CDK8: variants seen among roughly 807,000 people sequenced by gnomAD.
CDK8 encodes cyclin-dependent kinase 8.
CDK8 carries 29 observed loss-of-function variants against 71.5 expected under a neutral mutation model. That is an observed-to-expected ratio of 0.41 (90% CI 0.30 to 0.55). The LOEUF (loss-of-function observed/expected upper bound fraction) is 0.55. CDK8 is among the 20% of genes least tolerant of loss of function. The probability of loss-of-function intolerance (pLI) is 0.37; values close to 1 mark genes in which losing one functional copy is unlikely to be tolerated. For missense variants in CDK8, 288 were observed against 572.6 expected, an observed-to-expected ratio of 0.50 and a Z score of 5.07; for synonymous variants, 161 against 192.1, an observed-to-expected ratio of 0.84 and a Z score of 1.34.
intron 1 of CDK8, among the ~76,000 whole-genome samples, chr13:26,290,822 AAAAC>A (rs1260628616): frequency 1.3e-5 from 2 of 151,914 alleles, no homozygotes; most frequent in Admixed American, 6.6e-5. Flanking sequence ...AACAAACAAA[AAAAC>A]AAATTCTGGG....
At position 26,364,500 on chromosome 13, in the gene CDK8, C is replaced by A. The variant is rs376687182; in HGVS notation, c.456+10620C>A. On this transcript the variant is annotated intron_variant, in intron 4 of 12. Transcript: ENST00000381527. The stretch of plus-strand genomic sequence containing the variant: ...AGCTTTTTGACATTGGTAATAAAAT[C>A]ATTTTGAATAGCGGTTAGGAGGGAT... 1.1e-4 allele frequency among the ~76,000 whole-genome samples: 17 copies of A among 152,128 alleles called. No homozygotes were observed. In the East Asian group the frequency reaches 3.1e-3, roughly 28 times the overall value.
intron 1 of CDK8, among the ~76,000 whole-genome samples, chr13:26,274,801 G>A (rs1442570777): frequency 6.6e-6 from 1 of 151,924 alleles, no homozygotes; most frequent in Non-Finnish European, 1.5e-5. Context: ...TATTCATGTT[G>A]TAAGAATTTC....
chr13:26,259,979 A>G (rs769852623), intron 1 of CDK8, among the ~76,000 whole-genome samples: 2 of 152,310 alleles, frequency 1.3e-5, no homozygotes, highest in South Asian at 2.1e-4. Flanking sequence ...GAAGTCCCCA[A>G]CTGGTTAAGG....
intron 4 of CDK8, 126 bp downstream of exon 4, chr13:26,354,006 C>A: frequency 1.3e-6 from 1 of 758,156 alleles, no homozygotes; most frequent in Non-Finnish European, 2.2e-6. Context: ...AGAATGCTAC[C>A]TTCTCAAAAC....
At chr13:26,297,940 T>G (rs888398522) in intron 1 of CDK8, among the ~76,000 whole-genome samples, 10 of 152,156 alleles carry the variant, frequency 6.6e-5, no homozygotes, top group African/African-American at 2.4e-4. Context: ...CGCTATATCC[T>G]CACTTGGTGG....
intron 4 of CDK8, among the ~76,000 whole-genome samples, chr13:26,356,764 T>C (rs1237752402): frequency 6.6e-6 from 1 of 152,292 alleles, no homozygotes; most frequent in East Asian, 1.9e-4. Flanking sequence ...TCACATAACT[T>C]TTTTAACATT....
intron 1 of CDK8, among the ~76,000 whole-genome samples, chr13:26,263,854 C>T (rs1365190245): frequency 6.6e-6 from 1 of 151,682 alleles, no homozygotes; most frequent in Non-Finnish European, 1.5e-5. Context: ...TCACGCCATT[C>T]TCCTGCCTCA....
At chr13:26,330,177 C>T (rs1299185258) in intron 1 of CDK8, among the ~76,000 whole-genome samples, 2 of 152,084 alleles carry the variant, frequency 1.3e-5, no homozygotes, top group South Asian at 2.1e-4. Flanking sequence ...CTGTAGTCAT[C>T]CCACTCTGCT....
intron 1 of CDK8, among the ~76,000 whole-genome samples, chr13:26,311,376 A>G (rs907161596): frequency 2.0e-5 from 3 of 152,124 alleles, no homozygotes; most frequent in African/African-American, 4.8e-5. Flanking sequence ...AATATTTATT[A>G]AGTTCTTGTT....
chr13:26,273,477 C>A (rs541660094), intron 1 of CDK8, among the ~76,000 whole-genome samples: 1 of 152,096 alleles, frequency 6.6e-6, no homozygotes, highest in Admixed American at 6.5e-5. Flanking sequence ...GTAGCTGATT[C>A]ACTTTTTATT....
At chr13:26,286,464 A>G (rs1416496790) in intron 1 of CDK8, among the ~76,000 whole-genome samples, 2 of 152,248 alleles carry the variant, frequency 1.3e-5, no homozygotes, top group African/African-American at 4.8e-5. Context: ...AGCCACATGT[A>G]GAAGAATGAA....
intron 5 of CDK8, among the ~76,000 whole-genome samples, chr13:26,383,222 G>A (rs1431734442): frequency 5.3e-5 from 8 of 152,184 alleles, no homozygotes; most frequent in African/African-American, 1.7e-4. Flanking sequence ...TCTACTATCA[G>A]TTGTGTTCGC....
At chr13:26,375,025 G>T (rs1423526110) in intron 4 of CDK8, among the ~76,000 whole-genome samples, 3 of 151,938 alleles carry the variant, frequency 2.0e-5, no homozygotes, top group Non-Finnish European at 4.4e-5. Context: ...ATAAATTATG[G>T]TAAATTCATA....
At chr13:26,388,913 A>G (rs1875608167) in intron 6 of CDK8, among the ~76,000 whole-genome samples, 1 of 152,172 alleles carries the variant, frequency 6.6e-6, no homozygotes, top group South Asian at 2.1e-4. Flanking sequence ...AGGACCAAAT[A>G]TGAATTCAAA....
At chr13:26,321,688 C>A (rs1310130684) in intron 1 of CDK8, among the ~76,000 whole-genome samples, 1 of 151,950 alleles carries the variant, frequency 6.6e-6, no homozygotes, top group African/African-American at 2.4e-5. Flanking sequence ...GTACTGTGGG[C>A]AGTCAGTGAG....
chr13:26,391,841 T>C (rs750599696), intron 6 of CDK8, among the ~76,000 whole-genome samples: 4 of 152,332 alleles, frequency 2.6e-5, no homozygotes, highest in Middle Eastern at 3.4e-3. Context: ...AGTAAATAGG[T>C]GATTAACTTG....
intron 1 of CDK8, among the ~76,000 whole-genome samples, chr13:26,332,358 G>T (rs1872792288): frequency 6.6e-6 from 1 of 151,882 alleles, no homozygotes; most frequent in South Asian, 2.1e-4. Context: ...GGTGGTGCGT[G>T]CCTGTAATCA....
chr13:26,255,096 T>G (rs1451869405), intron 1 of CDK8, among the ~76,000 whole-genome samples: 3 of 152,104 alleles, frequency 2.0e-5, no homozygotes, highest in Non-Finnish European at 4.4e-5. Context: ...TTTTTTGTTT[T>G]TTTTTTTCCT....
rs1400485925 is a variant in CDK8 at position 26,401,167 on chromosome 13, G to C, written c.1032-102G>C. The C allele has an allele frequency of 1.1e-6, 1 of 922,318 alleles. No homozygotes were observed. The highest frequency in any genetic ancestry group is 1.7e-5 in the African/African-American group (1 of 59,816). The allele number at this position is 922,318 out of a possible 1,614,324, so 57.1% of individuals were successfully genotyped here. On this transcript the variant is annotated intron_variant, in intron 10 of 12. Coordinates refer to ENST00000381527, the MANE Select transcript of CDK8 (RefSeq NM_001260.3). This position sits in a 1 kb window ranked among gnomAD's most constrained non-coding sequence, Gnocchi z 4.5. ...AGGTGCTTATATTTGCAAATATGGAGACAAAGTTCATCTTAAAAGATTAAA... is the reference window on the plus strand; with the variant it reads ...AGGTGCTTATATTTGCAAATATGGACACAAAGTTCATCTTAAAAGATTAAA...
Sources: gnomAD v4.1 joint callset for allele counts (sites outside exome capture counted in the v4.1 genomes callset) on GRCh38, gnomAD v4.1.1 for gene constraint, Gnocchi (gnomAD v3.1) non-coding constraint, MANE v1.5 for transcripts, NCBI Gene and HGNC (gene_info 2026-07-23, HGNC 2026-07-21) for gene names.